The following RBM47 variants were observed in gnomAD, a reference collection of about 807,000 sequenced individuals.
RBM47 encodes RNA binding motif protein 47, also known as RNA-binding protein 47.
A neutral mutation model predicts 47.1 loss-of-function variants in RBM47; 21 were observed. The observed-to-expected ratio is 0.45, with a 90% CI of 0.32 to 0.64. The LOEUF is 0.64. Ranked by LOEUF, RBM47 falls within the 30% of genes least tolerant of loss-of-function variation. The pLI is 0.05. For synonymous variants in RBM47, 375 were observed against 361.7 expected (o/e 1.04, Z -0.42); for missense variants, 708 against 870.9 (o/e 0.81, Z 2.35).
chr4:40,496,618 C>A (rs1722628284), intron 2 of RBM47, among the ~76,000 whole-genome samples: 1 of 152,234 alleles, frequency 6.6e-6, no homozygotes, highest in Non-Finnish European at 1.5e-5. Context: ...TACCAGCAGA[C>A]AACCACAGCG....
At chr4:40,436,810 C>T (rs892678232) in intron 4 of RBM47, 163 bp from the exon 5 acceptor site, 3 of 740,712 alleles carry the variant, frequency 4.1e-6, no homozygotes, top group Non-Finnish European at 7.2e-6. Flanking sequence ...CATTCTATTT[C>T]AGCCTAGATT....
chr4:40,474,369 C>T (rs1003243096), intron 2 of RBM47, among the ~76,000 whole-genome samples: 1 of 152,134 alleles, frequency 6.6e-6, no homozygotes, highest in African/African-American at 2.4e-5. Flanking sequence ...CCACCTCCCC[C>T]ACAGAGTCAT....
At chr4:40,436,420 C>T (rs1458043020) in intron 5 of RBM47, 21 bp downstream of exon 5, 1 of 1,608,200 alleles carries the variant, frequency 6.2e-7, no homozygotes, top group African/African-American at 1.3e-5. Context: ...TGGGAGCATT[C>T]TCAATCTGCT....
intron 1 of RBM47, among the ~76,000 whole-genome samples, chr4:40,548,889 C>T (rs1033263240): frequency 2.0e-5 from 3 of 152,132 alleles, no homozygotes; most frequent in African/African-American, 7.2e-5. Context: ...TGGTCTTAAA[C>T]TCCTGAGCTC....
At chr4:40,561,548 T>C (rs1560470057) in intron 1 of RBM47, among the ~76,000 whole-genome samples, 2 of 139,430 alleles carry the variant, frequency 1.4e-5, no homozygotes, top group African/African-American at 5.9e-5. Flanking sequence ...TCTTTTCTTT[T>C]TTTTTTCTTT....
intron 3 of RBM47, among the ~76,000 whole-genome samples, chr4:40,456,770 T>A (rs1018331533): frequency 6.6e-6 from 1 of 151,664 alleles, no homozygotes; most frequent in African/African-American, 2.4e-5. Context: ...GCTAATTTTT[T>A]ATTTTTTTGT....
chr4:40,535,371 C>CTTTTTTTTTTTTTTTTTTCTTTTTTTTTT (rs1553897874), intron 2 of RBM47, among the ~76,000 whole-genome samples: 1 of 103,460 alleles, frequency 9.7e-6, no homozygotes, highest in Non-Finnish European at 1.9e-5. Flanking sequence ...TATGGTATTT[C>CTTTTTTTTTTTTTTTTTTCTTTTTTTTTT]TTTTTTTTTT....
At chr4:40,555,223 C>G (rs547120101) in intron 1 of RBM47, among the ~76,000 whole-genome samples, 50 of 152,338 alleles carry the variant, frequency 3.3e-4, no homozygotes, top group Middle Eastern at 6.8e-3. Flanking sequence ...TGAGCCACCA[C>G]ACCCGGCTTA....
At chr4:40,431,532 C>T (rs1716024340) in intron 6 of RBM47, among the ~76,000 whole-genome samples, 1 of 152,038 alleles carries the variant, frequency 6.6e-6, no homozygotes, top group East Asian at 1.9e-4. Context: ...GTGGCGTGCG[C>T]CTGTAGTCCC....
chr4:40,510,413 G>A (rs578200185), intron 2 of RBM47, among the ~76,000 whole-genome samples: 7 of 152,098 alleles, frequency 4.6e-5, no homozygotes, highest in Admixed American at 3.9e-4. Context: ...TTTTGAACAC[G>A]TGGGATATGC....
At position 40,426,084 on chromosome 4, in the gene RBM47, G is replaced by C; in HGVS notation, c.1602C>G (p.Ala534=). The C allele has an allele frequency of 6.2e-7, 1 of 1,614,204 alleles. No individual in the cohort carries two copies. Residue 534 remains alanine, a synonymous_variant, in exon 7 of 7, where the codon GCC becomes GCG. Transcript: ENST00000295971. ...GCACGTAACTGGCCCCGTAGATCCC[G>C]GCAGTAGGAATTCTCTGAACGTTTG... The part of the protein sequence containing the change: ...VAPNVQRIPT[A]GIYGASYVPF...
chr4:40,436,725 GC>G, intron 4 of RBM47, 78 bp from the exon 5 acceptor site: 1 of 1,359,008 alleles, frequency 7.4e-7, no homozygotes, highest in Non-Finnish European at 1.0e-6. Context: ...TCGGTTCTCG[GC>G]ATTTAACTGC....
At chr4:40,524,210 G>A (rs1726486120) in intron 2 of RBM47, among the ~76,000 whole-genome samples, 1 of 152,056 alleles carries the variant, frequency 6.6e-6, no homozygotes, top group South Asian at 2.1e-4. Flanking sequence ...CTAAATTCTC[G>A]ACATATACAA....
chr4:40,520,168 T>C (rs1412581135), intron 2 of RBM47, among the ~76,000 whole-genome samples: 2 of 152,132 alleles, frequency 1.3e-5, no homozygotes, highest in Admixed American at 6.6e-5. Context: ...ACCCTGTAGG[T>C]TGTATTAGAA....
chr4:40,439,032 G>A (rs1453919137), intron 3 of RBM47, 108 bp from the exon 4 acceptor site: 2 of 991,782 alleles, frequency 2.0e-6, no homozygotes, highest in Non-Finnish European at 2.9e-6. Context: ...GGGAAGGGGA[G>A]GTGGTTTAAA....
At chr4:40,443,777 T>C (rs1714071967) in intron 3 of RBM47, among the ~76,000 whole-genome samples, 2 of 132,204 alleles carry the variant, frequency 1.5e-5, no homozygotes, top group African/African-American at 2.8e-5. Flanking sequence ...GGTTAACACA[T>C]TCAAGAAAAT....
At chr4:40,428,552 G>A (rs1464910640) in intron 6 of RBM47, among the ~76,000 whole-genome samples, 1 of 152,160 alleles carries the variant, frequency 6.6e-6, no homozygotes, top group Non-Finnish European at 1.5e-5. Context: ...CACATGTGTG[G>A]ACGTAGGTTT....
chr4:40,538,566 C>A (rs925476484), intron 2 of RBM47, among the ~76,000 whole-genome samples: 3 of 152,052 alleles, frequency 2.0e-5, no homozygotes, highest in Non-Finnish European at 4.4e-5. Context: ...ACCTTGTGAT[C>A]TGCCCGCCTT....
At chr4:40,608,501 G>T (rs1735962581) in intron 1 of RBM47, among the ~76,000 whole-genome samples, 2 of 152,204 alleles carry the variant, frequency 1.3e-5, no homozygotes, top group African/African-American at 4.8e-5. Flanking sequence ...TGGTAGCAAA[G>T]AAACAACTGC....
Sources: gnomAD v4.1 joint callset for allele counts (sites outside exome capture counted in the v4.1 genomes callset) on GRCh38, gnomAD v4.1.1 for gene constraint, MANE v1.5 for transcripts, NCBI Gene and HGNC (gene_info 2026-07-23, HGNC 2026-07-21) for gene names.